Variants in LIMK2 observed in about 807,000 individuals in gnomAD.
LIMK2 encodes the protein LIM domain kinase 2.
In LIMK2, 35 loss-of-function variants were observed where a neutral mutation model predicts 75.7. The ratio of observed to expected loss-of-function variants is 0.46; its 90% CI spans 0.35 to 0.61. LIMK2 has a LOEUF of 0.61. LIMK2 is among the 20% of genes least tolerant of loss of function. The pLI is 0.00. For synonymous variants in LIMK2, 301 were observed against 319.2 expected, an observed-to-expected ratio of 0.94 and a Z score of 0.61; for missense variants, 623 against 831.0, an observed-to-expected ratio of 0.75 and a Z score of 3.08.
chr22:31,273,535 G>C, intron 14 of LIMK2, 28 bp downstream of exon 14: 1 of 1,599,580 alleles, frequency 6.3e-7, no homozygotes, highest in Non-Finnish European at 8.6e-7. Context: ...GGCCATGCCC[G>C]AGGCAGCAGG....
chr22:31,263,602 G>A (rs764882178), intron 7 of LIMK2, among the ~76,000 whole-genome samples: 1 of 152,142 alleles, frequency 6.6e-6, no homozygotes, highest in Non-Finnish European at 1.5e-5. Context: ...CACTCTGGGA[G>A]GCCTAGGTCG....
intron 1 of LIMK2, among the ~76,000 whole-genome samples, chr22:31,219,916 G>A: frequency 6.6e-6 from 1 of 152,220 alleles, no homozygotes; most frequent in East Asian, 1.9e-4. Context: ...TGATAAGTCT[G>A]CAAATATGAG....
chr22:31,245,792 G>A (rs1457762059), intron 2 of LIMK2, among the ~76,000 whole-genome samples: 2 of 152,086 alleles, frequency 1.3e-5, no homozygotes, highest in South Asian at 2.1e-4. Flanking sequence ...AGAATGCTTT[G>A]TGACATGTGG....
At position 31,237,029 on chromosome 22, in the gene LIMK2, A is replaced by AG. The variant is rs565192273; in HGVS notation, c.116+11216dup. Among the ~76,000 whole-genome samples the AG allele has an allele frequency of 3.5e-3, 526 of 151,820 alleles. 3 individuals carry two copies. The highest frequency in any genetic ancestry group is 0.012 in the African/African-American group (482 of 41,402). On this transcript the variant is annotated intron_variant, in intron 2 of 15. Transcript: ENST00000331728. ...GTAATCCCAGCACTTTGGGAGGCCG[A>AG]GGGGGGCGGATCACAAGGTCAGGAG...
chr22:31,278,529 C>T lies in LIMK2; in HGVS notation c.*88C>T. 3 of 1,396,674 alleles carry T rather than the reference C, an allele frequency of 2.1e-6. No individual in the cohort carries two copies. The highest frequency in any genetic ancestry group is 2.9e-6 in the Non-Finnish European group (3 of 1,048,906). 86.5% of individuals were successfully genotyped at this position (1,396,674 alleles called of 1,614,324 possible). On this transcript the variant is annotated 3_prime_UTR_variant, in exon 16 of 16. Transcript: ENST00000331728. Reference sequence around the variant, plus strand: ...CCTGCTGTGAGCAGGGCCGTCCGGGCTTCCTGTGGATTGGCGGAATGTTTA... The same window carrying T: ...CCTGCTGTGAGCAGGGCCGTCCGGGTTTCCTGTGGATTGGCGGAATGTTTA...
intron 13 of LIMK2, 144 bp downstream of exon 13, chr22:31,272,848 G>A (rs2048973959): frequency 2.1e-6 from 3 of 1,409,042 alleles, no homozygotes; most frequent in Non-Finnish European, 1.8e-6. Context: ...TTGCCAGGTG[G>A]GGCCTCACGA....
intron 2 of LIMK2, among the ~76,000 whole-genome samples, chr22:31,236,161 G>C (rs1283570998): frequency 6.6e-6 from 1 of 152,000 alleles, no homozygotes; most frequent in East Asian, 1.9e-4. Context: ...AGGCATGATG[G>C]CGGGTGCCTG....
At chr22:31,267,654 C>A in intron 9 of LIMK2, 122 bp from the exon 10 acceptor site, 1 of 1,083,318 alleles carries the variant, frequency 9.2e-7, no homozygotes, top group Non-Finnish European at 1.3e-6. Flanking sequence ...CCTGTCATAT[C>A]ACAAGATAGG....
intron 1 of LIMK2, among the ~76,000 whole-genome samples, chr22:31,216,614 G>A (rs2048390844): frequency 6.6e-6 from 1 of 152,226 alleles, no homozygotes; most frequent in South Asian, 2.1e-4. Context: ...GACATAGGCA[G>A]GCCAGGGTGA....
Position 31,277,198 on chromosome 22 carries a change from C to T in LIMK2, c.1773-1099C>T. The T allele has an allele frequency of 3.7e-6, 6 of 1,609,232 alleles. No individual in the cohort carries two copies. In the South Asian group the frequency reaches 4.4e-5, roughly 12 times the overall value. On this transcript the variant is annotated intron_variant, in intron 15 of 15. Transcript: ENST00000331728. Reference sequence around the variant, plus strand: ...TAGGACAATCGCTACCCCCCGACCTCGTAGCAACAGCAATACCGGGGGACC... The same window carrying T: ...TAGGACAATCGCTACCCCCCGACCTTGTAGCAACAGCAATACCGGGGGACC...
Position 31,266,146 on chromosome 22 carries a change from A to G in LIMK2, c.1041+14A>G. The G allele has an allele frequency of 6.2e-7, 1 of 1,613,420 alleles. No homozygotes were observed. The highest frequency in any genetic ancestry group is 8.5e-7 in the Non-Finnish European group (1 of 1,179,396). The stretch of plus-strand genomic sequence containing the variant: ...CAGGCTATCAAGGTGAGCGCAGGCA[A>G]CAATTGCTTTGCTCTTCTGCCCCCA... On this transcript the variant is annotated intron_variant, in intron 8 of 15. Coordinates refer to ENST00000331728, the MANE Select transcript of LIMK2 (RefSeq NM_005569.4).
intron 10 of LIMK2, 73 bp downstream of exon 10, chr22:31,267,980 A>AGCTTAAAGGGCAGAGGGGCCCT: frequency 6.4e-7 from 1 of 1,569,270 alleles, no homozygotes; most frequent in Non-Finnish European, 8.7e-7. Context: ...CTACCCTAGG[A>AGCTTAAAGGGCAGAGGGGCCCT]GCTTAAAGGG....
chr22:31,235,274 C>T (rs1006198213), intron 2 of LIMK2, among the ~76,000 whole-genome samples: 3 of 152,170 alleles, frequency 2.0e-5, no homozygotes, highest in African/African-American at 7.2e-5. Flanking sequence ...TTCCCCTTCC[C>T]CACATCCTTC....
At position 31,262,891 on chromosome 22, in the gene LIMK2, T is replaced by G; in HGVS notation, c.854+100T>G. ...CTGCAGAGTTAGGAAAGGAACCAGC[T>G]GGCCAGGGACAGACTATGAGGATTG... On this transcript the variant is annotated intron_variant, in intron 7 of 15. Coordinates refer to ENST00000331728, the MANE Select transcript of LIMK2 (RefSeq NM_005569.4). The surrounding 1 kb of genome is among the most constrained non-coding windows in gnomAD (Gnocchi z 5.0). 9.0e-7 allele frequency: 1 copy of G among 1,109,166 alleles called. No homozygotes were observed. Among genetic ancestry groups the G allele is most frequent in the Non-Finnish European group, 1.3e-6 (1 of 790,704 alleles). The allele number at this position is 1,109,166 out of a possible 1,614,324, so 68.7% of individuals were successfully genotyped here. A position where few individuals can be genotyped will look rare whatever the true frequency, so the allele number is the denominator to read the frequency against.
chr22:31,277,622 AATAT>A (rs1189403643), intron 15 of LIMK2: 17 of 834,324 alleles, frequency 2.0e-5, no homozygotes, highest in Non-Finnish European at 2.5e-5. Flanking sequence ...TTTATTAAAA[AATAT>A]ATATATACAG....
In LIMK2 at chr22:31,275,275, C is replaced by T; in HGVS notation, c.1739C>T (p.Ala580Val). Residue 580 changes from alanine (A) to valine (V), a missense_variant, in exon 15 of 16, where the codon GCC becomes GTC. Physicochemically the swap from Ala to Val is moderately conservative, Grantham distance 64 (BLOSUM62 0). Transcript: ENST00000331728. ...TGTCCCCCGGCCTTCTTCCCGCTGG[C>T]CGCCATCTGCTGCAGACTGGAGCCT... ...TDCPPAFFPL[A>V]AICCRLEPES... 1 of 1,614,184 alleles carries T rather than the reference C, an allele frequency of 6.2e-7. No homozygotes were observed. The highest frequency in any genetic ancestry group is 8.5e-7 in the Non-Finnish European group (1 of 1,180,042).
At position 31,278,506 on chromosome 22, in the gene LIMK2, T is replaced by C; in HGVS notation, c.*65T>C. ...GCATTGCCCCTCTGTGCCCCATTCC[T>C]GCTGTGAGCAGGGCCGTCCGGGCTT... On this transcript the variant is annotated 3_prime_UTR_variant, in exon 16 of 16. Coordinates refer to ENST00000331728, the MANE Select transcript of LIMK2 (RefSeq NM_005569.4). 1 of 1,506,370 alleles carries C rather than the reference T, an allele frequency of 6.6e-7. No individual in the cohort carries two copies. The highest frequency in any genetic ancestry group is 8.9e-7 in the Non-Finnish European group (1 of 1,128,150). The allele number at this position is 1,506,370 out of a possible 1,614,324, so 93.3% of individuals were successfully genotyped here.
intron 15 of LIMK2, 100 bp from the exon 16 acceptor site, chr22:31,278,197 C>A (rs999775360): frequency 1.9e-6 from 2 of 1,053,742 alleles, no homozygotes; most frequent in East Asian, 2.4e-5. Context: ...GTTTGCCTGA[C>A]GTTATACAAC....
Position 31,278,301 on chromosome 22 carries a change from G to A in LIMK2, c.1777G>A (p.Ala593Thr), listed in dbSNP as rs771265453. The change falls in exon 16 of 16, where the codon GCA (alanine) becomes ACA (threonine). Residue 593 changes from alanine to threonine, a missense_variant. This residue lies in a region of LIMK2 where 63 missense variants were observed against 122.8 expected (regional missense o/e 0.51). Coordinates refer to ENST00000331728, the MANE Select transcript of LIMK2 (RefSeq NM_005569.4). ...CCRLEPESRP[A>T]FSKLEDSFEA... ...ATTTACCTCTTTTCCTTCTAGACCA[G>A]CATTCTCGAAATTGGAGGACTCCTT... 1.2e-6 allele frequency: 2 copies of A among 1,611,768 alleles called. No homozygotes were observed. The highest frequency in any genetic ancestry group is 1.7e-5 in the Admixed American group (1 of 59,746).
Sources: allele counts gnomAD v4.1 joint callset (sites outside exome capture counted in the v4.1 genomes callset), GRCh38; gene constraint gnomAD v4.1.1; regional missense constraint gnomAD v4.1.1; non-coding constraint Gnocchi (gnomAD v3.1); transcripts MANE v1.5; gene names NCBI Gene and HGNC (gene_info 2026-07-23, HGNC 2026-07-21).